The following FGF17 variants were observed in gnomAD, a reference collection of about 807,000 sequenced individuals.
FGF17 encodes fibroblast growth factor 17.
A neutral mutation model predicts 23.5 loss-of-function variants in FGF17; 5 were observed. That is an observed-to-expected ratio of 0.21 (90% CI 0.11 to 0.45). The LOEUF (loss-of-function observed/expected upper bound fraction) is 0.45. FGF17 is among the 20% of genes least tolerant of loss of function. The pLI, the probability that FGF17 is intolerant of heterozygous loss-of-function variation, is 0.99. For synonymous variants in FGF17, 136 were observed against 123.0 expected, an observed-to-expected ratio of 1.11 and a Z score of -0.70; for missense variants, 221 against 306.9, an observed-to-expected ratio of 0.72 and a Z score of 2.09.
chr8:22,042,691 G>A (rs916193486), upstream of FGF17: 9 of 604,356 alleles, frequency 1.5e-5, no homozygotes, highest in East Asian at 2.5e-4. Context: ...CTGCTTTGCA[G>A]CCTCACTGGC....
Position 22,048,077 on chromosome 8 carries a change from G to A in FGF17, c.479G>A (p.Arg160His), listed in dbSNP as rs942531977. ...GCCTTCACGCGGCAGGGGCGGCCCC[G>A]CCAGGCTTCCCGCAGCCGCCAGAAC... is the stretch of plus-strand genomic sequence containing the variant. ...FMAFTRQGRPRQASRSRQNQR... is the reference protein window; with the variant it reads ...FMAFTRQGRPHQASRSRQNQR... Residue 160 changes from arginine (R) to histidine (H), a missense_variant, in exon 5 of 5, where the codon CGC becomes CAC. Around this residue, in one of 3 missense-constraint regions of FGF17, gnomAD observed 128 missense variants for 150.4 expected, o/e 0.85. Transcript: ENST00000359441. This position sits in a 1 kb window ranked among gnomAD's most constrained non-coding sequence, Gnocchi z 6.9. 2 of 1,612,590 alleles carry A rather than the reference G, an allele frequency of 1.2e-6. No homozygotes were observed. The highest frequency in any genetic ancestry group is 2.7e-5 in the African/African-American group (2 of 74,920).
intron 3 of FGF17, 99 bp downstream of exon 3, chr8:22,046,390 C>A: frequency 6.7e-7 from 1 of 1,495,444 alleles, no homozygotes; most frequent in Non-Finnish European, 9.1e-7. Flanking sequence ...TGTGTCAGGG[C>A]TGAGGGCCCC....
intron 2 of FGF17, chr8:22,045,016 A>T (rs1800832635): frequency 1.0e-6 from 1 of 985,504 alleles, no homozygotes; most frequent in Admixed American, 6.1e-5. Flanking sequence ...ACCAGCAAAA[A>T]AGGTACATTC....
chr8:22,046,649 TG>T lies in FGF17; in HGVS notation c.357+19del, dbSNP rs1563365183. On this transcript the variant is annotated intron_variant, in intron 4 of 4. Coordinates refer to ENST00000359441, the MANE Select transcript of FGF17 (RefSeq NM_003867.4). ...CATCGGGAAGGTGAGGCTGGGAGAC[TG>T]GGAAGTAACAGAGAATCAGCCCTAC... 4 of 1,572,090 alleles carry T rather than the reference TG, an allele frequency of 2.5e-6. No homozygotes were observed. The highest frequency in any genetic ancestry group is 1.7e-5 in the Admixed American group (1 of 59,856).
upstream of FGF17, chr8:22,042,591 C>T (rs1394070488): frequency 1.1e-5 from 6 of 532,858 alleles, no homozygotes; most frequent in Non-Finnish European, 2.0e-5. Context: ...CCACCTCCTT[C>T]AGAAGGCCCC....
At chr8:22,046,888 C>T (rs1434120766) in intron 4 of FGF17, among the ~76,000 whole-genome samples, 22 of 152,022 alleles carry the variant, frequency 1.4e-4, no homozygotes, top group Admixed American at 1.4e-3. Context: ...TCAAGCAATC[C>T]TCTCGCCTCA....
upstream of FGF17, chr8:22,042,522 TGTCTGC>T (rs1800754738): frequency 3.4e-6 from 1 of 291,074 alleles, no homozygotes; most frequent in African/African-American, 2.2e-5. Context: ...ACATCGAGTT[TGTCTGC>T]GTCGAGTTTG....
At chr8:22,042,477 A>G, upstream of FGF17, 1 of 218,860 alleles carries the variant, frequency 4.6e-6, no homozygotes, top group Non-Finnish European at 9.1e-6. Flanking sequence ...CAGGAGACGC[A>G]GACCTGGAAG....
upstream of FGF17, among the ~76,000 whole-genome samples, chr8:22,040,790 GTCTGTGCTC>G (rs1160737307): frequency 1.3e-5 from 2 of 152,230 alleles, no homozygotes; most frequent in Non-Finnish European, 2.9e-5. Flanking sequence ...CCCTCCACGT[GTCTGTGCTC>G]TCTTTAATGC....
intron 4 of FGF17, among the ~76,000 whole-genome samples, chr8:22,046,949 A>G (rs1225674309): frequency 2.0e-5 from 1 of 49,832 alleles, no homozygotes; most frequent in Non-Finnish European, 4.5e-5. Flanking sequence ...ATGCCCAGCT[A>G]ATTTTTTTTT....
At chr8:22,041,586 G>C (rs1186829183), upstream of FGF17, among the ~76,000 whole-genome samples, 1 of 152,120 alleles carries the variant, frequency 6.6e-6, no homozygotes, top group Non-Finnish European at 1.5e-5. Context: ...GGAGCTCTCT[G>C]TTCACCGGTC....
Position 22,043,158 on chromosome 8 carries a change from C to G in FGF17, c.49C>G (p.Leu17Val). 6.2e-7 allele frequency: 1 copy of G among 1,613,904 alleles called. No individual in the cohort carries two copies. The highest frequency in any genetic ancestry group is 8.5e-7 in the Non-Finnish European group (1 of 1,180,018). ...LPNLTLCLQL[L>V]ILCCQTQGEN... ...CTCCCCACACAGGTGCTTACAGCTGCTGATTCTCTGCTGTCAAACTCAGGT... is the reference window on the plus strand; with the variant it reads ...CTCCCCACACAGGTGCTTACAGCTGGTGATTCTCTGCTGTCAAACTCAGGT... Residue 17 changes from leucine (L) to valine (V), a missense_variant, in exon 2 of 5, where the codon CTG becomes GTG. By Grantham distance (32) the Leu-to-Val change is conservative (BLOSUM62 1). Transcript: ENST00000359441.
intron 4 of FGF17, among the ~76,000 whole-genome samples, 175 bp from the exon 5 acceptor site, chr8:22,047,781 G>A (rs189286538): frequency 6.6e-6 from 1 of 152,244 alleles, no homozygotes; most frequent in East Asian, 1.9e-4. Flanking sequence ...GCGTGTTCTT[G>A]TTGGCCACTG....
intron 2 of FGF17, chr8:22,045,101 G>A: frequency 3.0e-6 from 3 of 985,582 alleles, no homozygotes; most frequent in Non-Finnish European, 2.4e-6. Context: ...TGGAGGGGAA[G>A]AAGTACTCAG....
chr8:22,048,107 G>A lies in FGF17; in HGVS notation c.509G>A (p.Arg170His), dbSNP rs1372367071. 6.2e-7 allele frequency: 1 copy of A among 1,613,312 alleles called. No homozygotes were observed. The highest frequency in any genetic ancestry group is 8.5e-7 in the Non-Finnish European group (1 of 1,179,844). Residue 170 changes from arginine (R) to histidine (H), a missense_variant, in exon 5 of 5, where the codon CGC becomes CAC. By Grantham distance (29) the Arg-to-His change is conservative (BLOSUM62 0). This residue lies in a region of FGF17 where 128 missense variants were observed against 150.4 expected (regional missense o/e 0.85). Transcript: ENST00000359441. The surrounding 1 kb of genome is among the most constrained non-coding windows in gnomAD (Gnocchi z 6.9). ...RQASRSRQNQ[R>H]EAHFIKRLYQ... is the part of the protein sequence containing the mutation. Reference sequence around the variant, plus strand: ...GCTTCCCGCAGCCGCCAGAACCAGCGCGAGGCCCACTTCATCAAGCGCCTC... The same window carrying A: ...GCTTCCCGCAGCCGCCAGAACCAGCACGAGGCCCACTTCATCAAGCGCCTC...
rs753685719 is a variant in FGF17, at chr8:22,048,130, C to A, written c.532C>A (p.Leu178Ile). 1.2e-6 allele frequency: 2 copies of A among 1,613,496 alleles called. No homozygotes were observed. Among genetic ancestry groups the A allele is most frequent in the Admixed American group, 3.3e-5 (2 of 60,010 alleles). The change falls in exon 5 of 5, where the codon CTC (leucine) becomes ATC (isoleucine). Residue 178 changes from leucine (L) to isoleucine (I), a missense_variant. Coordinates refer to ENST00000359441, the MANE Select transcript of FGF17 (RefSeq NM_003867.4). This position sits in a 1 kb window ranked among gnomAD's most constrained non-coding sequence, Gnocchi z 6.9. ...NQREAHFIKRLYQGQLPFPNH... is the reference protein window; with the variant it reads ...NQREAHFIKRIYQGQLPFPNH... The stretch of plus-strand genomic sequence containing the variant: ...GCGCGAGGCCCACTTCATCAAGCGC[C>A]TCTACCAAGGCCAGCTGCCCTTCCC...
chr8:22,041,500 T>C (rs1800736686), upstream of FGF17, among the ~76,000 whole-genome samples: 1 of 152,170 alleles, frequency 6.6e-6, no homozygotes, highest in African/African-American at 2.4e-5. Flanking sequence ...ACACTGGGTC[T>C]TCCCTCAGAG....
intron 4 of FGF17, 63 bp from the exon 5 acceptor site, chr8:22,047,893 A>G: frequency 6.6e-7 from 1 of 1,520,724 alleles, no homozygotes; most frequent in Non-Finnish European, 8.9e-7. Context: ...ATAGGCCGTA[A>G]GGGCGACACC....
rs1387252516 is a variant in FGF17, at chr8:22,042,851, C to T, written c.-78C>T. On this transcript the variant is annotated 5_prime_UTR_variant, in exon 1 of 5. Coordinates refer to ENST00000359441, the MANE Select transcript of FGF17 (RefSeq NM_003867.4). ...CGGAGAGACCTTGGCTTCTCTGGGA[C>T]TCTACCCCTGGGGACTTCCCACATC... The T allele has an allele frequency of 1.3e-6, 2 of 1,510,232 alleles. No individual in the cohort carries two copies. Among genetic ancestry groups the T allele is most frequent in the African/African-American group, 2.7e-5 (2 of 73,008 alleles). The allele number at this position is 1,510,232 out of a possible 1,614,324, so 93.6% of individuals were successfully genotyped here.
Sources: gnomAD v4.1 joint callset for allele counts (sites outside exome capture counted in the v4.1 genomes callset) on GRCh38, gnomAD v4.1.1 for gene constraint, gnomAD v4.1.1 regional missense constraint, Gnocchi (gnomAD v3.1) non-coding constraint, MANE v1.5 for transcripts, NCBI Gene and HGNC (gene_info 2026-07-23, HGNC 2026-07-21) for gene names.